Variants in PTPRQ observed in about 807,000 individuals in gnomAD.
PTPRQ encodes the protein protein tyrosine phosphatase receptor type Q, also known as phosphatidylinositol phosphatase PTPRQ.
Under a neutral mutation model 246.0 loss-of-function variants are expected in PTPRQ, and 199 were observed. The ratio of observed to expected loss-of-function variants is 0.81; its 90% CI spans 0.72 to 0.91. PTPRQ has a LOEUF of 0.91. Ranked by LOEUF, PTPRQ falls within the 40% of genes least tolerant of loss-of-function variation. PTPRQ has a pLI of 0.00. For synonymous variants in PTPRQ, 869 were observed against 853.2 expected (o/e 1.02, Z -0.32); for missense variants, 2,624 against 2,528.4 (o/e 1.04, Z -0.81).
chr12:80,552,112 T>C (rs1896491577), intron 25 of PTPRQ, among the ~76,000 whole-genome samples: 1 of 152,074 alleles, frequency 6.6e-6, no homozygotes. Flanking sequence ...TAAGAATCTC[T>C]CTAGGTAATT....
chr12:80,642,937 A>AC (rs1713375050), intron 35 of PTPRQ, among the ~76,000 whole-genome samples: 2 of 149,060 alleles, frequency 1.3e-5, no homozygotes, highest in Non-Finnish European at 3.0e-5. Flanking sequence ...AAAAAAAAAA[A>AC]AAAAAAAAAC....
chr12:80,643,208 C>T (rs1271621267), intron 35 of PTPRQ, among the ~76,000 whole-genome samples: 6 of 152,062 alleles, frequency 3.9e-5, no homozygotes, highest in Admixed American at 2.6e-4. Flanking sequence ...GAGGTCGAGG[C>T]GGGTAGATCC....
At chr12:80,483,984 G>A (rs1043394508) in intron 8 of PTPRQ, among the ~76,000 whole-genome samples, 40 of 100,800 alleles carry the variant, frequency 4.0e-4, no homozygotes, top group Admixed American at 3.2e-3. Flanking sequence ...TTTCTTTCTT[G>A]TTTTTTGTTT....
At chr12:80,648,172 A>G (rs1453698583) in intron 35 of PTPRQ, among the ~76,000 whole-genome samples, 1 of 152,054 alleles carries the variant, frequency 6.6e-6, no homozygotes, top group Non-Finnish European at 1.5e-5. Flanking sequence ...ATTATTCTAG[A>G]TTTAAAACTT....
intron 43 of PTPRQ, among the ~76,000 whole-genome samples, chr12:80,673,894 A>C (rs1592784014): frequency 1.3e-5 from 2 of 151,926 alleles, no homozygotes; most frequent in Middle Eastern, 3.4e-3. Flanking sequence ...GAGGCTTAAA[A>C]CCCTCTACTG....
intron 6 of PTPRQ, among the ~76,000 whole-genome samples, chr12:80,461,128 G>A (rs1031380816): frequency 5.3e-5 from 8 of 152,108 alleles, no homozygotes; most frequent in Non-Finnish European, 1.0e-4. Context: ...CAATTCTTGA[G>A]CCACTGACCG....
chr12:80,595,044 C>T (rs537714402), intron 26 of PTPRQ, among the ~76,000 whole-genome samples: 3 of 152,270 alleles, frequency 2.0e-5, no homozygotes, highest in African/African-American at 7.2e-5. Flanking sequence ...ACTGTTCTTT[C>T]TCCTTTATGA....
At chr12:80,461,492 T>A (rs1565719488) in intron 6 of PTPRQ, among the ~76,000 whole-genome samples, 2 of 151,962 alleles carry the variant, frequency 1.3e-5, no homozygotes. Context: ...GGTAAGGTAT[T>A]CATATATTTA....
intron 26 of PTPRQ, among the ~76,000 whole-genome samples, chr12:80,595,114 C>G (rs1897926316): frequency 1.3e-5 from 2 of 152,070 alleles, no homozygotes; most frequent in Admixed American, 6.6e-5. Flanking sequence ...TGGTGACCAG[C>G]TTTGTTTTCG....
At chr12:80,601,881 A>G (rs1054281817) in intron 26 of PTPRQ, among the ~76,000 whole-genome samples, 2 of 151,832 alleles carry the variant, frequency 1.3e-5, no homozygotes, top group African/African-American at 4.8e-5. Context: ...CAGTTTTCCT[A>G]GGACCATAAA....
At chr12:80,633,394 A>G (rs1899516814) in intron 34 of PTPRQ, among the ~76,000 whole-genome samples, 1 of 152,172 alleles carries the variant, frequency 6.6e-6, no homozygotes, top group African/African-American at 2.4e-5. Context: ...TTCCAAGTGT[A>G]TCTTTCCATT....
intron 19 of PTPRQ, among the ~76,000 whole-genome samples, chr12:80,535,831 G>C (rs1377795678): frequency 1.3e-5 from 2 of 152,210 alleles, no homozygotes; most frequent in Non-Finnish European, 2.9e-5. Context: ...AACACGGCCG[G>C]GCGTGGTGGC....
At chr12:80,537,536 A>G (rs1284611352) in intron 19 of PTPRQ, among the ~76,000 whole-genome samples, 1 of 152,232 alleles carries the variant, frequency 6.6e-6, no homozygotes, top group African/African-American at 2.4e-5. Context: ...TTAATGCTCA[A>G]TACATATTTT....
At chr12:80,589,853 A>G (rs928312328) in intron 26 of PTPRQ, among the ~76,000 whole-genome samples, 1 of 152,120 alleles carries the variant, frequency 6.6e-6, no homozygotes, top group African/African-American at 2.4e-5. Context: ...TATTCTCAGC[A>G]AATAATTGTT....
Position 80,679,147 on chromosome 12 carries a change from C to G in PTPRQ, c.*124C>G. On this transcript the variant is annotated 3_prime_UTR_variant, in exon 45 of 45. Transcript: ENST00000644991. ...AATATCTATGCTTCTCTCACTGTGCCTTTCCAAACGGATTGAACATTTTAA... is the reference window on the plus strand; with the variant it reads ...AATATCTATGCTTCTCTCACTGTGCGTTTCCAAACGGATTGAACATTTTAA... The G allele has an allele frequency of 8.4e-7, 1 of 1,191,652 alleles. No homozygotes were observed. The highest frequency in any genetic ancestry group is 2.1e-5 in the South Asian group (1 of 47,014). 73.8% of individuals were successfully genotyped at this position (1,191,652 alleles called of 1,614,324 possible).
chr12:80,550,856 C>A (rs903519619), intron 25 of PTPRQ, among the ~76,000 whole-genome samples: 2 of 152,044 alleles, frequency 1.3e-5, no homozygotes, highest in African/African-American at 4.8e-5. Context: ...AAATTGTTCT[C>A]TTTCTGAACC....
intron 8 of PTPRQ, among the ~76,000 whole-genome samples, chr12:80,473,047 G>GCACACACACACACA (rs34054644): frequency 6.2e-5 from 9 of 145,674 alleles, no homozygotes; most frequent in African/African-American, 2.1e-4. Context: ...TCACACACAC[G>GCACACACACACACA]CACACACACA....
In PTPRQ at chr12:80,634,845, A is replaced by G. The variant is rs892905622; in HGVS notation, c.5787-100A>G. On this transcript the variant is annotated intron_variant, in intron 34 of 44. Transcript: ENST00000644991. ...TTCAGAGAGGTGATTTTAACAAGGA[A>G]ATTATTTGACTAAATGTCTTTACTT... 3 of 1,460,086 alleles carry G rather than the reference A, an allele frequency of 2.1e-6. No homozygotes were observed. The African/African-American group carries it at 4.3e-5, about 21-fold the overall frequency. 90.4% of individuals were successfully genotyped at this position (1,460,086 alleles called of 1,614,324 possible). A position where few individuals can be genotyped will look rare whatever the true frequency, so the allele number is the denominator to read the frequency against.
intron 43 of PTPRQ, among the ~76,000 whole-genome samples, chr12:80,673,903 T>G (rs1901053519): frequency 6.6e-6 from 1 of 152,160 alleles, no homozygotes; most frequent in Non-Finnish European, 1.5e-5. Context: ...AACCCTCTAC[T>G]GAGTGTCTAC....
Sources: allele counts gnomAD v4.1 joint callset (sites outside exome capture counted in the v4.1 genomes callset), GRCh38; gene constraint gnomAD v4.1.1; transcripts MANE v1.5; gene names NCBI Gene and HGNC (gene_info 2026-07-23, HGNC 2026-07-21).